ARID1B: variants seen among roughly 807,000 people sequenced by gnomAD.
The protein encoded by ARID1B is AT-rich interaction domain 1B.
ARID1B carries 30 observed loss-of-function variants against 212.3 expected under a neutral mutation model. The observed-to-expected ratio is 0.14, with a 90% confidence interval of 0.11 to 0.19. The LOEUF (loss-of-function observed/expected upper bound fraction) is 0.19. ARID1B is among the 10% of genes least tolerant of loss of function. ARID1B has a pLI of 1.00. For synonymous variants in ARID1B, 1,402 were observed against 1,301.7 expected (o/e 1.08, Z -1.66); for missense variants, 2,891 against 3,204.0 (o/e 0.90, Z 2.36).
chr6:157,074,386 G>A (rs868719554), intron 4 of ARID1B, among the ~76,000 whole-genome samples: 3 of 151,910 alleles, frequency 2.0e-5, no homozygotes, highest in African/African-American at 7.3e-5. Flanking sequence ...CTCACCACAC[G>A]GGGCTAATTT....
At chr6:156,870,999 C>T (rs946936047) in intron 2 of ARID1B, among the ~76,000 whole-genome samples, 1 of 152,152 alleles carries the variant, frequency 6.6e-6, no homozygotes, top group Non-Finnish European at 1.5e-5. Flanking sequence ...ATATCTAGAA[C>T]GTTTGGATTT....
At chr6:156,939,670 T>C (rs1281222775) in intron 4 of ARID1B, 2 of 152,268 alleles carry the variant, frequency 1.3e-5, no homozygotes, top group Non-Finnish European at 2.9e-5. Context: ...ATTAAATGGG[T>C]GGATGTCTGC....
At chr6:157,047,969 G>T (rs1782350632) in intron 4 of ARID1B, among the ~76,000 whole-genome samples, 1 of 152,154 alleles carries the variant, frequency 6.6e-6, no homozygotes, top group South Asian at 2.1e-4. Context: ...TTGAGATTTT[G>T]TTGGGAAGAA....
chr6:156,978,667 T>C (rs1368823395), intron 4 of ARID1B, among the ~76,000 whole-genome samples: 1 of 152,234 alleles, frequency 6.6e-6, no homozygotes, highest in East Asian at 1.9e-4. Flanking sequence ...TATGTTGTTT[T>C]GTTAGGTGGG....
rs77418307 is a variant in ARID1B at position 157,079,514 on chromosome 6, A to C, written c.2248-5148A>C. On this transcript the variant is annotated intron_variant, in intron 4 of 19. Coordinates refer to ENST00000636930, the MANE Select transcript of ARID1B (RefSeq NM_001374828.1). ...ATGATAGTTGTGAAATAAGGGTGGA[A>C]GATGTGAAGTAATTTTACAGTGTGT... is the stretch of plus-strand genomic sequence containing the variant. Among the ~76,000 whole-genome samples, 1,399 of 152,340 alleles carry C rather than the reference A, an allele frequency of 9.2e-3. 27 individuals carry two copies. The highest frequency in any genetic ancestry group is 0.032 in the African/African-American group (1,338 of 41,574).
At chr6:156,857,606 A>G (rs902090755) in intron 2 of ARID1B, among the ~76,000 whole-genome samples, 1 of 152,236 alleles carries the variant, frequency 6.6e-6, no homozygotes, top group African/African-American at 2.4e-5. Context: ...CTCTGGAACT[A>G]CTTTGATTTT....
chr6:157,122,227 G>C (rs1175154926), intron 6 of ARID1B, among the ~76,000 whole-genome samples: 1 of 152,148 alleles, frequency 6.6e-6, no homozygotes, highest in Admixed American at 6.5e-5. Context: ...CCATAATAGA[G>C]ATTGAAGTAG....
chr6:157,021,539 C>T (rs1780261650), intron 4 of ARID1B, among the ~76,000 whole-genome samples: 1 of 152,208 alleles, frequency 6.6e-6, no homozygotes, highest in African/African-American at 2.4e-5. Context: ...CGCACGTAGG[C>T]TCGTGGGGGC....
intron 2 of ARID1B, among the ~76,000 whole-genome samples, chr6:156,869,058 C>A (rs545963655): frequency 3.5e-4 from 53 of 151,880 alleles, no homozygotes; most frequent in Non-Finnish European, 6.2e-4. Flanking sequence ...TTTTTTTTGC[C>A]TCTAAAGCGT....
chr6:156,921,891 C>T (rs1416596416), intron 3 of ARID1B, among the ~76,000 whole-genome samples: 1 of 151,726 alleles, frequency 6.6e-6, no homozygotes, highest in Non-Finnish European at 1.5e-5. Context: ...GTTATTTTAG[C>T]TTTCATTCCA....
chr6:157,167,160 G>A lies in ARID1B; in HGVS notation c.3210G>A (p.Ala1070=), dbSNP rs560450902. The A allele has an allele frequency of 3.5e-5, 56 of 1,608,504 alleles. No individual in the cohort carries two copies. The Middle Eastern group carries it at 4.9e-4, about 14-fold the overall frequency. Residue 1070 remains alanine (A), a synonymous_variant, in exon 9 of 20, where the codon GCG becomes GCA. Coordinates refer to ENST00000636930, the MANE Select transcript of ARID1B (RefSeq NM_001374828.1). ...MNTQAPPYSM[A]PAMVNSSAAS... ...CGCAGGCGCCGCCCTACAGCATGGC[G>A]CCCGCCATGGTGAACAGCTCGGCAG...
intron 2 of ARID1B, among the ~76,000 whole-genome samples, chr6:156,888,995 T>C (rs1240853930): frequency 6.6e-6 from 1 of 152,246 alleles, no homozygotes; most frequent in Non-Finnish European, 1.5e-5. Context: ...CTCTTTTTAC[T>C]GTTAAAAATT....
chr6:157,032,240 C>G (rs1781062043), intron 4 of ARID1B, among the ~76,000 whole-genome samples: 1 of 152,190 alleles, frequency 6.6e-6, no homozygotes, highest in South Asian at 2.1e-4. Context: ...TACATTAACA[C>G]AGTTATGAGC....
chr6:157,050,847 C>G (rs1160699535), intron 4 of ARID1B, among the ~76,000 whole-genome samples: 1 of 152,160 alleles, frequency 6.6e-6, no homozygotes, highest in Non-Finnish European at 1.5e-5. Context: ...AATAGATGCA[C>G]ATATATGTGT....
intron 7 of ARID1B, among the ~76,000 whole-genome samples, chr6:157,137,288 ATG>A (rs925478302): frequency 6.6e-6 from 1 of 152,232 alleles, no homozygotes; most frequent in Non-Finnish European, 1.5e-5. Context: ...GCCAATATAA[ATG>A]TGTAAAAATA....
In ARID1B at chr6:156,779,416, G is replaced by C; in HGVS notation, c.1736G>C (p.Arg579Thr). 1 of 1,464,970 alleles carries C rather than the reference G, an allele frequency of 6.8e-7. No homozygotes were observed. The highest frequency in any genetic ancestry group is 9.0e-7 in the Non-Finnish European group (1 of 1,106,620). The allele number at this position is 1,464,970 out of a possible 1,614,324, so 90.7% of individuals were successfully genotyped here. ...ASPAWAAAQQ[R>T]SHPAMSPGTP... Reference sequence around the variant, plus strand: ...CCGGCCTGGGCGGCCGCGCAACAAAGGAGTCACCCGGCGATGAGCCCCGGC... The same window carrying C: ...CCGGCCTGGGCGGCCGCGCAACAAACGAGTCACCCGGCGATGAGCCCCGGC... The change falls in exon 1 of 20, where the codon AGG becomes ACG. Residue 579 changes from arginine to threonine, a missense_variant. Transcript: ENST00000636930.
At chr6:157,161,429 G>GTATATATATATATATA (rs1228344142) in intron 8 of ARID1B, among the ~76,000 whole-genome samples, 46 of 134,062 alleles carry the variant, frequency 3.4e-4, no homozygotes, top group African/African-American at 1.3e-3. Flanking sequence ...GATTGTGTGT[G>GTATATATATATATATA]TGTATATATA....
intron 4 of ARID1B, chr6:156,943,263 A>G (rs778080006): frequency 6.6e-6 from 1 of 152,158 alleles, no homozygotes; most frequent in Non-Finnish European, 1.5e-5. Context: ...TATTGACTCA[A>G]CAAGCCTTCA....
chr6:157,178,306 G>A (rs1792250732), intron 11 of ARID1B, among the ~76,000 whole-genome samples: 1 of 152,180 alleles, frequency 6.6e-6, no homozygotes, highest in Admixed American at 6.5e-5. Context: ...CCTCCAGCAT[G>A]CAGAGCACCA....
Sources: gnomAD v4.1 joint callset for allele counts (sites outside exome capture counted in the v4.1 genomes callset) on GRCh38, gnomAD v4.1.1 for gene constraint, MANE v1.5 for transcripts, NCBI Gene and HGNC (gene_info 2026-07-23, HGNC 2026-07-21) for gene names.